Variants in DLGAP2 observed in about 807,000 individuals in gnomAD.
DLGAP2 encodes disks large-associated protein 2.
A neutral mutation model predicts 100.3 loss-of-function variants in DLGAP2; 26 were observed. The observed-to-expected ratio is 0.26, with a 90% CI of 0.19 to 0.36. The LOEUF (loss-of-function observed/expected upper bound fraction) is 0.36, where lower values mean the gene tolerates loss of function less well. DLGAP2 is among the 10% of genes least tolerant of loss of function. DLGAP2 has a pLI of 1.00. For missense variants in DLGAP2, 1,858 were observed against 1,453.2 expected (o/e 1.28, Z -4.53); for synonymous variants, 886 against 630.1 (o/e 1.41, Z -6.08).
chr8:1,620,903 G>C (rs1797311191), intron 6 of DLGAP2, among the ~76,000 whole-genome samples: 1 of 152,160 alleles, frequency 6.6e-6, no homozygotes, highest in Non-Finnish European at 1.5e-5. Context: ...TTCCCACTCT[G>C]CTTCCCCAAA....
At chr8:1,216,190 C>T (rs562499282) in intron 2 of DLGAP2, among the ~76,000 whole-genome samples, 56 of 152,166 alleles carry the variant, frequency 3.7e-4, no homozygotes, top group African/African-American at 9.4e-4. Flanking sequence ...CTAATAGCTG[C>T]GCTTAACCAT....
chr8:1,626,665 T>A, intron 6 of DLGAP2, 75 bp from the exon 7 acceptor site: 2 of 1,533,598 alleles, frequency 1.3e-6, no homozygotes, highest in Non-Finnish European at 1.8e-6. Context: ...TGGGTGTGGG[T>A]TGGATGGTCA....
At chr8:1,195,896 A>T (rs1343279884) in intron 2 of DLGAP2, among the ~76,000 whole-genome samples, 1 of 152,154 alleles carries the variant, frequency 6.6e-6, no homozygotes, top group Non-Finnish European at 1.5e-5. Flanking sequence ...AGTTTTTAGC[A>T]TTTCTAATTC....
intron 2 of DLGAP2, among the ~76,000 whole-genome samples, chr8:1,134,511 T>C (rs930559931): frequency 6.9e-5 from 9 of 130,042 alleles, no homozygotes; most frequent in African/African-American, 2.7e-4. Flanking sequence ...TTTTGAGTTT[T>C]AGTAATAGCC....
In DLGAP2 at chr8:1,487,038, C is replaced by T. The variant is rs147013975; in HGVS notation, c.107-14328C>T. On this transcript the variant is annotated intron_variant, in intron 3 of 14. Coordinates refer to ENST00000637795, the MANE Select transcript of DLGAP2 (RefSeq NM_001346810.2). The stretch of plus-strand genomic sequence containing the variant: ...AGTTTCAGGTCAGGAGCTCTGTAAC[C>T]TGTTAAAGCACAATCGATCTAGAAT... Among the ~76,000 whole-genome samples, 487 of 152,306 alleles carry T rather than the reference C, an allele frequency of 3.2e-3. 3 individuals carry two copies. Among genetic ancestry groups the T allele is most frequent in the African/African-American group, 0.011 (445 of 41,558 alleles).
chr8:1,469,058 G>A (rs960236942), intron 3 of DLGAP2, among the ~76,000 whole-genome samples: 3 of 152,210 alleles, frequency 2.0e-5, no homozygotes, highest in Non-Finnish European at 4.4e-5. Flanking sequence ...TCCTTCTAGG[G>A]GACACAGTTC....
chr8:1,364,668 G>C (rs987078882), intron 3 of DLGAP2, among the ~76,000 whole-genome samples: 6 of 152,212 alleles, frequency 3.9e-5, no homozygotes, highest in Non-Finnish European at 5.9e-5. Flanking sequence ...AATTGCTCTG[G>C]GCAAAGCTCG....
intron 2 of DLGAP2, among the ~76,000 whole-genome samples, chr8:1,207,240 C>G (rs1157347974): frequency 6.6e-6 from 1 of 152,196 alleles, no homozygotes; most frequent in East Asian, 1.9e-4. Flanking sequence ...CCTTCCCATC[C>G]TTCCCCGAGT....
At chr8:1,252,156 G>C (rs1437628186) in intron 2 of DLGAP2, among the ~76,000 whole-genome samples, 3 of 150,558 alleles carry the variant, frequency 2.0e-5, no homozygotes, top group African/African-American at 7.4e-5. Flanking sequence ...TGTCACACGG[G>C]TGTGTTGTGT....
chr8:929,834 C>T (rs1397782873), intron 2 of DLGAP2, among the ~76,000 whole-genome samples: 1 of 151,184 alleles, frequency 6.6e-6, no homozygotes, highest in Admixed American at 6.6e-5. Context: ...CAAGTCATTT[C>T]CACTTTAATT....
At chr8:1,386,546 G>A (rs34245549) in intron 3 of DLGAP2, among the ~76,000 whole-genome samples, 12 of 151,954 alleles carry the variant, frequency 7.9e-5, no homozygotes, top group African/African-American at 1.2e-4. Context: ...GCACACCACC[G>A]GCCAGATGTG....
At chr8:883,806 A>G (rs1337891440) in intron 1 of DLGAP2, among the ~76,000 whole-genome samples, 1 of 151,928 alleles carries the variant, frequency 6.6e-6, no homozygotes, top group African/African-American at 2.4e-5. Context: ...CTAACTCGCA[A>G]CAGGCCCTGG....
intron 3 of DLGAP2, among the ~76,000 whole-genome samples, chr8:1,325,284 C>G (rs954872845): frequency 6.6e-6 from 1 of 151,588 alleles, no homozygotes; most frequent in African/African-American, 2.4e-5. Context: ...ACCAAGCTTT[C>G]TTTCCTGGAC....
At position 883,619 on chromosome 8, in the gene DLGAP2, G is replaced by C. The variant is rs541320810; in HGVS notation, c.19-24293G>C. ...TACATAGGAACGCGTGTGCCGCGGCGGTTCGTTACGTAGGAGCGCGGGTGC... is the reference window on the plus strand; with the variant it reads ...TACATAGGAACGCGTGTGCCGCGGCCGTTCGTTACGTAGGAGCGCGGGTGC... On this transcript the variant is annotated intron_variant, in intron 1 of 14. Coordinates refer to ENST00000637795, the MANE Select transcript of DLGAP2 (RefSeq NM_001346810.2). Among the ~76,000 whole-genome samples, 1,342 of 149,700 alleles carry C rather than the reference G, an allele frequency of 9.0e-3. 14 individuals are homozygous for C. The highest frequency in any genetic ancestry group is 0.031 in the African/African-American group (1,246 of 39,580).
intron 3 of DLGAP2, among the ~76,000 whole-genome samples, chr8:1,424,734 C>T (rs1305914446): frequency 6.6e-6 from 1 of 151,994 alleles, no homozygotes; most frequent in Non-Finnish European, 1.5e-5. Context: ...ATGGTGTGAT[C>T]CCCTTACACG....
intron 3 of DLGAP2, among the ~76,000 whole-genome samples, chr8:1,339,875 C>G (rs977951974): frequency 2.6e-5 from 4 of 152,166 alleles, no homozygotes; most frequent in Non-Finnish European, 5.9e-5. Flanking sequence ...ATTTTTTTAT[C>G]TCTGGGATCC....
intron 2 of DLGAP2, among the ~76,000 whole-genome samples, chr8:953,656 C>A (rs976866329): frequency 2.0e-5 from 3 of 151,588 alleles, no homozygotes; most frequent in African/African-American, 7.3e-5. Flanking sequence ...GTCCATCAGT[C>A]TTTTTTCACA....
chr8:1,574,251 G>GTGTA (rs1351598436), intron 6 of DLGAP2, among the ~76,000 whole-genome samples: 2 of 152,160 alleles, frequency 1.3e-5, no homozygotes, highest in Non-Finnish European at 2.9e-5. Context: ...CCAGATTTTA[G>GTGTA]TGTATGGGGG....
intron 5 of DLGAP2, 111 bp downstream of exon 5, chr8:1,549,794 C>G (rs1173073313): frequency 4.2e-6 from 5 of 1,181,810 alleles, no homozygotes; most frequent in Non-Finnish European, 1.2e-6. Context: ...GGTTGTGCAA[C>G]AGGATGTTCT....
Sources: allele counts gnomAD v4.1 joint callset (sites outside exome capture counted in the v4.1 genomes callset), GRCh38; gene constraint gnomAD v4.1.1; transcripts MANE v1.5; gene names NCBI Gene and HGNC (gene_info 2026-07-23, HGNC 2026-07-21).